Variants in CSMD1 observed in about 807,000 individuals in gnomAD.
CSMD1 encodes CUB and sushi domain-containing protein 1.
Under a neutral mutation model 417.5 loss-of-function variants are expected in CSMD1, and 213 were observed. The observed-to-expected ratio is 0.51, with a 90% CI of 0.46 to 0.57. CSMD1 has a LOEUF of 0.57. Among genes scored for constraint, CSMD1 ranks in the 20% least tolerant of loss-of-function variants. The probability of loss-of-function intolerance (pLI) is 0.00; values close to 1 mark genes in which losing one functional copy is unlikely to be tolerated. For synonymous variants in CSMD1, 2,862 were observed against 1,736.8 expected (o/e 1.65, Z -16.11); for missense variants, 6,923 against 4,529.7 (o/e 1.53, Z -15.17).
At chr8:4,920,106 C>A (rs1274916016) in intron 1 of CSMD1, among the ~76,000 whole-genome samples, 1 of 152,130 alleles carries the variant, frequency 6.6e-6, no homozygotes, top group Non-Finnish European at 1.5e-5. Flanking sequence ...ATGTTGAGAT[C>A]AATCAAGGTA....
intron 25 of CSMD1, among the ~76,000 whole-genome samples, chr8:3,298,340 T>G (rs1249030375): frequency 1.3e-5 from 2 of 152,198 alleles, no homozygotes; most frequent in South Asian, 4.1e-4. Context: ...ACCATCCAAA[T>G]GTCCATCAGC....
chr8:4,494,651 A>C (rs1007639904), intron 2 of CSMD1, among the ~76,000 whole-genome samples: 1 of 152,168 alleles, frequency 6.6e-6, no homozygotes, highest in Non-Finnish European at 1.5e-5. Context: ...CATTTTTGTT[A>C]CTTGGCATCT....
chr8:3,756,916 C>G (rs950480602), intron 5 of CSMD1, among the ~76,000 whole-genome samples: 3 of 152,112 alleles, frequency 2.0e-5, no homozygotes, highest in African/African-American at 7.2e-5. Flanking sequence ...TTGCCTCAAC[C>G]TCTGGAGTAG....
At chr8:4,243,636 T>C (rs1802532144) in intron 3 of CSMD1, among the ~76,000 whole-genome samples, 1 of 152,178 alleles carries the variant, frequency 6.6e-6, no homozygotes, top group Admixed American at 6.6e-5. Context: ...CAGAAAATTA[T>C]TACAGTTTCT....
intron 2 of CSMD1, among the ~76,000 whole-genome samples, chr8:4,518,602 A>G (rs1355897833): frequency 1.6e-5 from 2 of 128,640 alleles, no homozygotes; most frequent in Non-Finnish European, 3.2e-5. Flanking sequence ...AACATCACAC[A>G]CCGGGGACTG....
chr8:4,043,939 C>A (rs760821477), intron 3 of CSMD1, among the ~76,000 whole-genome samples: 1 of 151,968 alleles, frequency 6.6e-6, no homozygotes, highest in Non-Finnish European at 1.5e-5. Context: ...TCCACCACAC[C>A]ATATTGTCCC....
intron 3 of CSMD1, among the ~76,000 whole-genome samples, chr8:4,323,293 T>C (rs1265934136): frequency 6.6e-6 from 1 of 152,168 alleles, no homozygotes; most frequent in Non-Finnish European, 1.5e-5. Flanking sequence ...ACAGACTTAT[T>C]TCACACAGTC....
intron 2 of CSMD1, among the ~76,000 whole-genome samples, chr8:4,566,914 C>T (rs4875359): frequency 4.0e-5 from 1 of 24,922 alleles, no homozygotes; most frequent in Non-Finnish European, 1.2e-4. Context: ...AAAGTCAATT[C>T]AGGAATGAAC....
chr8:3,747,387 T>TC (rs1009575612), intron 6 of CSMD1, among the ~76,000 whole-genome samples: 3 of 151,660 alleles, frequency 2.0e-5, no homozygotes, highest in Non-Finnish European at 4.4e-5. Context: ...GAAAACACTT[T>TC]TTTCACAGAA....
Position 3,052,619 on chromosome 8 carries a change from T to C in CSMD1, c.7503A>G (p.Pro2501=). The part of the protein sequence containing the change: ...QAVSCGIPES[P]GNGSFTGNEF... ...CGTTCCCGGTAAATGAACCGTTTCC[T>C]GGGGATTCTGGGATTCCACAGGACA... is the stretch of plus-strand genomic sequence containing the variant. The change falls in exon 50 of 70, where the codon CCA becomes CCG. Residue 2501 remains proline, a synonymous_variant. Coordinates refer to ENST00000635120, the MANE Select transcript of CSMD1 (RefSeq NM_033225.6). The C allele has an allele frequency of 1.9e-6, 3 of 1,610,930 alleles. No homozygotes were observed. The highest frequency in any genetic ancestry group is 2.5e-6 in the Non-Finnish European group (3 of 1,178,618).
chr8:3,646,596 T>G (rs964605499), intron 7 of CSMD1, among the ~76,000 whole-genome samples: 4 of 152,194 alleles, frequency 2.6e-5, no homozygotes, highest in South Asian at 2.1e-4. Context: ...CCGCCCAAAG[T>G]AGCAGTCAGG....
rs371070929 is a variant in CSMD1, at chr8:4,089,751, T to C, written c.416-57652A>G. Among the ~76,000 whole-genome samples the C allele has an allele frequency of 1.3e-4, 20 of 152,162 alleles. No individual in the cohort carries two copies. In the South Asian group the frequency reaches 3.1e-3, roughly 24 times the overall value. On this transcript the variant is annotated intron_variant, in intron 3 of 69. Coordinates refer to ENST00000635120, the MANE Select transcript of CSMD1 (RefSeq NM_033225.6). ...ATTATTATTGACACAACATCATTCA[T>C]TAGTTTGGGGGTATTTTTGTTATGG...
intron 7 of CSMD1, among the ~76,000 whole-genome samples, chr8:3,682,937 A>G (rs900964869): frequency 2.0e-5 from 3 of 152,154 alleles, no homozygotes; most frequent in African/African-American, 7.2e-5. Flanking sequence ...CAAACTATCT[A>G]TCGCAAGGAC....
chr8:4,425,864 C>T (rs1470682524), intron 2 of CSMD1, among the ~76,000 whole-genome samples: 2 of 151,956 alleles, frequency 1.3e-5, no homozygotes, highest in East Asian at 3.9e-4. Flanking sequence ...TACTGATAAA[C>T]TTTGAATATT....
rs200232932 is a variant in CSMD1, at chr8:3,755,194, TG to T, written c.819-1153del. 8.1e-3 allele frequency among the ~76,000 whole-genome samples: 1,235 copies of T among 152,306 alleles called. 16 individuals are homozygous for T. Among genetic ancestry groups the T allele is most frequent in the Non-Finnish European group, 9.5e-3 (648 of 68,028 alleles). On this transcript the variant is annotated intron_variant, in intron 5 of 69. Transcript: ENST00000635120. Reference sequence around the variant, plus strand: ...AGTTTTTCAGTGGCATAAGCATCACTGGATTAGGATGCTTCTGATACAGGAT... The same window carrying T: ...AGTTTTTCAGTGGCATAAGCATCACTGATTAGGATGCTTCTGATACAGGAT...
chr8:4,442,403 A>C (rs1182626203), intron 2 of CSMD1, among the ~76,000 whole-genome samples: 1 of 152,192 alleles, frequency 6.6e-6, no homozygotes, highest in East Asian at 1.9e-4. Context: ...CTACGTTTCC[A>C]GTCCCCACTG....
At chr8:4,741,004 A>C (rs552437493) in intron 1 of CSMD1, among the ~76,000 whole-genome samples, 1 of 152,228 alleles carries the variant, frequency 6.6e-6, no homozygotes, top group Non-Finnish European at 1.5e-5. Flanking sequence ...CACATAAAAA[A>C]TAATTTACTA....
Position 3,959,800 on chromosome 8 carries a change from C to G in CSMD1, c.818+38103G>C, listed in dbSNP as rs376611712. Among the ~76,000 whole-genome samples, 22 of 152,210 alleles carry G rather than the reference C, an allele frequency of 1.4e-4. No homozygotes were observed. The South Asian group carries it at 4.6e-3, about 32-fold the overall frequency. ...ATTGGAATAGCTGCAGGTACTCTGA[C>G]CTGTTAGCACCTTCTGGCATTATAC... On this transcript the variant is annotated intron_variant, in intron 5 of 69. Coordinates refer to ENST00000635120, the MANE Select transcript of CSMD1 (RefSeq NM_033225.6).
chr8:4,339,117 G>A (rs144160036), intron 3 of CSMD1, among the ~76,000 whole-genome samples: 1 of 152,158 alleles, frequency 6.6e-6, no homozygotes, highest in Non-Finnish European at 1.5e-5. Context: ...CATCTCTGAG[G>A]CAGAAATATA....
Sources: allele counts gnomAD v4.1 joint callset (sites outside exome capture counted in the v4.1 genomes callset), GRCh38; gene constraint gnomAD v4.1.1; transcripts MANE v1.5; gene names NCBI Gene and HGNC (gene_info 2026-07-23, HGNC 2026-07-21).